The following FOCAD variants were observed in gnomAD, a reference collection of about 807,000 sequenced individuals.
FOCAD encodes focadhesin, also known as KIAA1797.
FOCAD carries 198 observed loss-of-function variants against 225.6 expected under a neutral mutation model. The observed-to-expected ratio is 0.88, with a 90% CI of 0.78 to 0.99. FOCAD has a LOEUF of 0.99. Ranked by LOEUF, FOCAD falls within the 50% of genes least tolerant of loss-of-function variation. FOCAD has a pLI of 0.00. For synonymous variants in FOCAD, 897 were observed against 755.0 expected (o/e 1.19, Z -3.08); for missense variants, 2,713 against 2,123.6 (o/e 1.28, Z -5.46).
intron 15 of FOCAD, among the ~76,000 whole-genome samples, chr9:20,823,421 T>C (rs1344981033): frequency 2.0e-5 from 3 of 152,060 alleles, no homozygotes; most frequent in Non-Finnish European, 4.4e-5. Flanking sequence ...CTCTAGAATA[T>C]AGTTGCTTCT....
At chr9:20,942,728 G>C (rs1011996913) in intron 28 of FOCAD, among the ~76,000 whole-genome samples, 5 of 152,134 alleles carry the variant, frequency 3.3e-5, no homozygotes, top group Admixed American at 1.3e-4. Context: ...AGATACTGTG[G>C]TAGGGAAAAA....
At chr9:20,871,948 G>C (rs1829820178) in intron 18 of FOCAD, among the ~76,000 whole-genome samples, 2 of 150,472 alleles carry the variant, frequency 1.3e-5, no homozygotes, top group South Asian at 4.2e-4. Context: ...AAAAAGAAGT[G>C]ATCAGAGGAG....
At chr9:20,665,657 T>C (rs1206580499) in intron 2 of FOCAD, among the ~76,000 whole-genome samples, 1 of 152,176 alleles carries the variant, frequency 6.6e-6, no homozygotes, top group African/African-American at 2.4e-5. Context: ...GAAAAGTAGT[T>C]CTTAAAGGGA....
At chr9:20,796,308 A>G (rs1290237336) in intron 11 of FOCAD, among the ~76,000 whole-genome samples, 1 of 152,230 alleles carries the variant, frequency 6.6e-6, no homozygotes. Context: ...AGCATGATTT[A>G]TAAACCTTCG....
chr9:20,952,919 C>A lies in FOCAD; in HGVS notation c.4052-66C>A, dbSNP rs898360998. The A allele has an allele frequency of 6.4e-6, 8 of 1,251,842 alleles. No homozygotes were observed. In the African/African-American group the frequency reaches 1.2e-4, roughly 18 times the overall value. The allele number at this position is 1,251,842 out of a possible 1,614,324, so 77.5% of individuals were successfully genotyped here. Reference sequence around the variant, plus strand: ...CTAGGTTGATATGGCAGCATGAGATCATTATCTTTCCTTCATTAGTCCTGC... The same window carrying A: ...CTAGGTTGATATGGCAGCATGAGATAATTATCTTTCCTTCATTAGTCCTGC... On this transcript the variant is annotated intron_variant, in intron 34 of 43. Transcript: ENST00000338382.
chr9:20,851,050 ATAAT>A (rs1827596378), intron 15 of FOCAD, among the ~76,000 whole-genome samples: 1 of 151,462 alleles, frequency 6.6e-6, no homozygotes, highest in Non-Finnish European at 1.5e-5. Context: ...AAGAAGATAA[ATAAT>A]TAGTCTTATG....
At chr9:20,933,970 A>AT (rs1016704847) in intron 28 of FOCAD, among the ~76,000 whole-genome samples, 1 of 151,858 alleles carries the variant, frequency 6.6e-6, no homozygotes, top group African/African-American at 2.4e-5. Flanking sequence ...GATGTTGAGC[A>AT]TTTTTTTATA....
chr9:20,819,833 G>A lies in FOCAD; in HGVS notation c.1493G>A (p.Gly498Glu). The change falls in exon 12 of 44, where the codon GGA becomes GAA. Residue 498 changes from glycine (G) to glutamate (E), a missense_variant. Transcript: ENST00000338382. ...NLIPVLMFKLGRPLEPILYND... is the reference protein window; with the variant it reads ...NLIPVLMFKLERPLEPILYND... ...ATTCCAGTTTTGATGTTCAAATTGG[G>A]AAGACCACTGGAACCTATATTATAT... 6.5e-7 allele frequency: 1 copy of A among 1,536,566 alleles called. No individual in the cohort carries two copies.
chr9:20,743,374 A>C (rs181434358), intron 5 of FOCAD, among the ~76,000 whole-genome samples: 2 of 152,222 alleles, frequency 1.3e-5, no homozygotes, highest in African/African-American at 4.8e-5. Flanking sequence ...GCTGGGGCTT[A>C]AGTATTTCTT....
chr9:20,950,192 G>A (rs1275686472), intron 33 of FOCAD, among the ~76,000 whole-genome samples: 1 of 151,796 alleles, frequency 6.6e-6, no homozygotes, highest in East Asian at 1.9e-4. Flanking sequence ...AATGAAAGAA[G>A]CTGAAAAAAA....
At chr9:20,676,028 G>T (rs368716089) in intron 2 of FOCAD, among the ~76,000 whole-genome samples, 1 of 152,206 alleles carries the variant, frequency 6.6e-6, no homozygotes, top group South Asian at 2.1e-4. Context: ...AGTAGAATCT[G>T]TTAAGATGCC....
At chr9:20,884,306 G>A (rs990321362) in intron 20 of FOCAD, among the ~76,000 whole-genome samples, 9 of 151,826 alleles carry the variant, frequency 5.9e-5, no homozygotes, top group Non-Finnish European at 7.4e-5. Flanking sequence ...ATTATATTAC[G>A]TTTATATTTT....
At chr9:20,754,885 A>G (rs887315831) in intron 5 of FOCAD, among the ~76,000 whole-genome samples, 3 of 152,226 alleles carry the variant, frequency 2.0e-5, no homozygotes, top group Non-Finnish European at 4.4e-5. Flanking sequence ...TTGAATTAAA[A>G]AATACATCCA....
intron 15 of FOCAD, among the ~76,000 whole-genome samples, chr9:20,829,892 A>G (rs139546928): frequency 2.0e-5 from 3 of 152,120 alleles, no homozygotes; most frequent in African/African-American, 4.8e-5. Flanking sequence ...AGTACTTTCT[A>G]TATAGTTAAC....
chr9:20,700,527 G>A (rs1391360653), intron 1 of FOCAD, among the ~76,000 whole-genome samples: 5 of 147,088 alleles, frequency 3.4e-5, no homozygotes, highest in Admixed American at 2.7e-4. Flanking sequence ...AAAATGATTC[G>A]CCTAGTTAAA....
chr9:20,765,078 G>T lies in FOCAD; in HGVS notation c.699+5G>T, dbSNP rs1178417077. ...GACATAGTTCCATGTTTGCAGGTAA[G>T]GTCTTTGTCCTCCTCCACAAATATA... On this transcript the variant is annotated splice_donor_5th_base_variant and intron_variant, in intron 7 of 43. Coordinates refer to ENST00000338382, the MANE Select transcript of FOCAD (RefSeq NM_001375567.1). The T allele has an allele frequency of 2.5e-6, 4 of 1,610,222 alleles. No individual in the cohort carries two copies. Among genetic ancestry groups the T allele is most frequent in the African/African-American group, 1.3e-5 (1 of 74,860 alleles).
intron 35 of FOCAD, among the ~76,000 whole-genome samples, chr9:20,969,933 TA>T (rs1839616328): frequency 6.6e-6 from 1 of 151,622 alleles, no homozygotes; most frequent in African/African-American, 2.4e-5. Flanking sequence ...GTATATGTCT[TA>T]ATTTCTCCCT....
chr9:20,725,961 A>G (rs764254959), intron 4 of FOCAD, among the ~76,000 whole-genome samples: 3 of 152,186 alleles, frequency 2.0e-5, no homozygotes, highest in Non-Finnish European at 4.4e-5. Context: ...TGTTCTTTTC[A>G]TCAGTAAGGA....
chr9:20,789,316 C>T, intron 10 of FOCAD, 35 bp from the exon 11 acceptor site: 1 of 1,592,660 alleles, frequency 6.3e-7, no homozygotes, highest in Non-Finnish European at 8.6e-7. Context: ...ATATTTATCT[C>T]ACTTATTTAT....
Sources: gnomAD v4.1 joint callset for allele counts (sites outside exome capture counted in the v4.1 genomes callset) on GRCh38, gnomAD v4.1.1 for gene constraint, MANE v1.5 for transcripts, NCBI Gene and HGNC (gene_info 2026-07-23, HGNC 2026-07-21) for gene names.